The following NXPE2 variants were observed in gnomAD, a reference collection of about 807,000 sequenced individuals.
NXPE2 encodes neurexophilin and PC-esterase domain family member 2, also known as NXPE family member 2.
In NXPE2, 34 loss-of-function variants were observed where a neutral mutation model predicts 34.4. That is an observed-to-expected ratio of 0.99 (90% CI 0.75 to 1.31). NXPE2 has a LOEUF of 1.31. Among genes scored for constraint, NXPE2 ranks in the 40% most tolerant of loss-of-function variants. The pLI, the probability that NXPE2 is intolerant of heterozygous loss-of-function variation, is 0.00. For synonymous variants in NXPE2, 235 were observed against 231.3 expected (o/e 1.02, Z -0.15); for missense variants, 649 against 672.5 (o/e 0.97, Z 0.39).
the NXPE2 span, among the ~76,000 whole-genome samples, chr11:114,659,364 A>T: frequency 0.092 from 13,985 of 152,078 alleles, 759 homozygotes; most frequent in Middle Eastern, 0.2. Context: ...GCCTTATCAG[A>T]AGAGTTGACA....
the NXPE2 span, among the ~76,000 whole-genome samples, chr11:114,810,503 C>A: frequency 2.0e-5 from 3 of 151,472 alleles, no homozygotes; most frequent in African/African-American, 7.3e-5. Flanking sequence ...AAGAAAAAAA[C>A]AACCCCATCA....
the NXPE2 span, among the ~76,000 whole-genome samples, chr11:114,638,216 G>A: frequency 0.093 from 14,052 of 151,226 alleles, 830 homozygotes; most frequent in Middle Eastern, 0.2. Flanking sequence ...CATTCATTTC[G>A]TCTTTCATCA....
the NXPE2 span, among the ~76,000 whole-genome samples, chr11:114,512,324 C>A: frequency 6.6e-6 from 1 of 152,182 alleles, no homozygotes; most frequent in Non-Finnish European, 1.5e-5. Flanking sequence ...GTCACTTTCC[C>A]CCTGTCTAAT....
At chr11:114,809,200 A>G in the NXPE2 span, among the ~76,000 whole-genome samples, 1 of 152,030 alleles carries the variant, frequency 6.6e-6, no homozygotes, top group Non-Finnish European at 1.5e-5. Flanking sequence ...ATCTCAAAAT[A>G]ATAAGAGCTA....
chr11:114,726,436 TC>T, the NXPE2 span, among the ~76,000 whole-genome samples: 5 of 152,074 alleles, frequency 3.3e-5, no homozygotes, highest in Non-Finnish European at 7.4e-5. Flanking sequence ...GGTCTCAAAC[TC>T]CTGGTCTCAT....
chr11:114,556,803 A>G, the NXPE2 span, among the ~76,000 whole-genome samples: 1 of 151,642 alleles, frequency 6.6e-6, no homozygotes, highest in African/African-American at 2.4e-5. Flanking sequence ...TATATTTCAT[A>G]TTATCGTTGA....
At chr11:114,782,414 G>A in the NXPE2 span, among the ~76,000 whole-genome samples, 3 of 152,328 alleles carry the variant, frequency 2.0e-5, no homozygotes, top group African/African-American at 4.8e-5. Flanking sequence ...GGCTTCATCA[G>A]GAAATCTTCT....
At chr11:114,568,149 G>T in the NXPE2 span, among the ~76,000 whole-genome samples, 1 of 151,950 alleles carries the variant, frequency 6.6e-6, no homozygotes, top group Non-Finnish European at 1.5e-5. Context: ...CTGAGCTCAC[G>T]TTCCCTTTTA....
the NXPE2 span, among the ~76,000 whole-genome samples, chr11:114,496,992 TTACTA>T: frequency 6.6e-6 from 1 of 152,226 alleles, no homozygotes; most frequent in Non-Finnish European, 1.5e-5. Context: ...GTTTATGTAT[TTACTA>T]TATGATACTT....
the NXPE2 span, among the ~76,000 whole-genome samples, chr11:114,517,038 C>G: frequency 2.6e-5 from 4 of 152,148 alleles, no homozygotes; most frequent in Non-Finnish European, 5.9e-5. Flanking sequence ...TCCTGTTCAG[C>G]GCTGTGTCCT....
the NXPE2 span, among the ~76,000 whole-genome samples, chr11:114,669,785 T>TA: frequency 1.3e-5 from 2 of 151,814 alleles, no homozygotes; most frequent in Admixed American, 6.6e-5. Context: ...ATTTCAGTCC[T>TA]AAAAAAAACT....
At chr11:114,546,675 T>C in the NXPE2 span, among the ~76,000 whole-genome samples, 1 of 152,034 alleles carries the variant, frequency 6.6e-6, no homozygotes, top group Non-Finnish European at 1.5e-5. Flanking sequence ...AGAGCCAGTG[T>C]CTAGATCTTT....
At chr11:114,491,131 C>T in the NXPE2 span, among the ~76,000 whole-genome samples, 1,353 of 123,202 alleles carry the variant, frequency 0.011, 32 homozygotes, top group African/African-American at 0.042. Flanking sequence ...CACTGCAGTC[C>T]GCAGTCCGGC....
the NXPE2 span, among the ~76,000 whole-genome samples, chr11:114,730,509 A>C: frequency 7.9e-5 from 12 of 152,258 alleles, no homozygotes; most frequent in African/African-American, 2.9e-4. Flanking sequence ...CCATTTTAAC[A>C]ATATTGATTC....
At chr11:114,639,620 C>T in the NXPE2 span, among the ~76,000 whole-genome samples, 1 of 147,356 alleles carries the variant, frequency 6.8e-6, no homozygotes, top group Non-Finnish European at 1.5e-5. Context: ...GCTGCCCCAC[C>T]TATGTAACAT....
the NXPE2 span, among the ~76,000 whole-genome samples, chr11:114,500,406 T>A: frequency 6.6e-6 from 1 of 152,086 alleles, no homozygotes; most frequent in African/African-American, 2.4e-5. Flanking sequence ...ATTCATATAC[T>A]TTTGTATGAT....
intron 1 of NXPE2, 26 bp downstream of exon 1, chr11:114,678,627 C>A: frequency 1.3e-6 from 2 of 1,535,602 alleles, no homozygotes; most frequent in Non-Finnish European, 1.8e-6. Context: ...ACTCTTACTG[C>A]CAAGCTAACG....
At chr11:114,570,873 G>A in the NXPE2 span, 1 of 1,146,626 alleles carries the variant, frequency 8.7e-7, no homozygotes, top group South Asian at 1.6e-5. Context: ...ACAGCATCTG[G>A]CCTGCTAGTA....
At chr11:114,531,836 C>T in the NXPE2 span, among the ~76,000 whole-genome samples, 2 of 152,166 alleles carry the variant, frequency 1.3e-5, no homozygotes, top group African/African-American at 4.8e-5. Context: ...GTCACTTATG[C>T]TTTTGGCACT....
Sources: gnomAD v4.1 joint callset for allele counts (sites outside exome capture counted in the v4.1 genomes callset) on GRCh38, gnomAD v4.1.1 for gene constraint, MANE v1.5 for transcripts, NCBI Gene and HGNC (gene_info 2026-07-23, HGNC 2026-07-21) for gene names.